Variants in SNX29 observed in about 807,000 individuals in gnomAD.
SNX29 encodes sorting nexin 29.
A neutral mutation model predicts 102.1 loss-of-function variants in SNX29; 78 were observed. The ratio of observed to expected loss-of-function variants is 0.76; its 90% CI spans 0.64 to 0.92. The LOEUF (loss-of-function observed/expected upper bound fraction) is 0.92. Among genes scored for constraint, SNX29 ranks in the 40% least tolerant of loss-of-function variants. The pLI, the probability that SNX29 is intolerant of heterozygous loss-of-function variation, is 0.00. For missense variants in SNX29, 1,280 were observed against 1,061.7 expected (o/e 1.21, Z -2.86); for synonymous variants, 580 against 414.5 (o/e 1.40, Z -4.85).
At chr16:12,262,433 T>A (rs1038507877) in intron 14 of SNX29, among the ~76,000 whole-genome samples, 5 of 152,162 alleles carry the variant, frequency 3.3e-5, no homozygotes, top group African/African-American at 1.2e-4. Context: ...CTTAAGCACA[T>A]GCACAAAGAG....
At chr16:12,345,798 C>T (rs1320714184) in intron 15 of SNX29, among the ~76,000 whole-genome samples, 1 of 152,190 alleles carries the variant, frequency 6.6e-6, no homozygotes, top group Non-Finnish European at 1.5e-5. Flanking sequence ...GAAATGTTTT[C>T]TGCCCTCTCC....
intron 20 of SNX29, among the ~76,000 whole-genome samples, chr16:12,536,583 C>G (rs988431865): frequency 3.9e-5 from 6 of 152,170 alleles, no homozygotes; most frequent in African/African-American, 1.4e-4. Context: ...GAGTTCACAC[C>G]TAGCACAGAG....
At chr16:12,564,000 C>T (rs947932790) in intron 20 of SNX29, among the ~76,000 whole-genome samples, 1 of 152,194 alleles carries the variant, frequency 6.6e-6, no homozygotes, top group African/African-American at 2.4e-5. Context: ...CCTGCAGCAC[C>T]CTCTTCCCCC....
chr16:12,554,263 G>A (rs904904536), intron 20 of SNX29, among the ~76,000 whole-genome samples: 3 of 152,206 alleles, frequency 2.0e-5, no homozygotes, highest in Non-Finnish European at 2.9e-5. Flanking sequence ...CTGCCTTTTG[G>A]TGCATCTGTG....
intron 14 of SNX29, among the ~76,000 whole-genome samples, chr16:12,227,508 T>C (rs1018077431): frequency 6.6e-6 from 1 of 152,200 alleles, no homozygotes; most frequent in Non-Finnish European, 1.5e-5. Flanking sequence ...CAACATTTGC[T>C]GAGTGTTCTT....
chr16:12,424,452 T>G (rs1429113283), intron 18 of SNX29, among the ~76,000 whole-genome samples: 2 of 152,228 alleles, frequency 1.3e-5, no homozygotes, highest in Admixed American at 1.3e-4. Context: ...GATAATATTC[T>G]GTCTTAGGGC....
At chr16:12,554,257 C>G (rs1237844041) in intron 20 of SNX29, among the ~76,000 whole-genome samples, 1 of 152,218 alleles carries the variant, frequency 6.6e-6, no homozygotes, top group Non-Finnish European at 1.5e-5. Context: ...TCGTCTCTGC[C>G]TTTTGGTGCA....
intron 14 of SNX29, among the ~76,000 whole-genome samples, chr16:12,245,483 AT>A (rs199731554): frequency 0.046 from 6,772 of 145,860 alleles, 267 homozygotes; most frequent in East Asian, 0.19. Context: ...AACTGCCTAG[AT>A]TTTTTTTTTT....
Position 12,545,214 on chromosome 16 carries a change from A to T in SNX29, c.2318+20373A>T, listed in dbSNP as rs1447731109. Among the ~76,000 whole-genome samples, 12 of 152,340 alleles carry T rather than the reference A, an allele frequency of 7.9e-5. No individual in the cohort carries two copies. In the South Asian group the frequency reaches 2.5e-3, roughly 32 times the overall value. The stretch of plus-strand genomic sequence containing the variant: ...AATACAAAAAAGGAAGGGGTGGGGC[A>T]GGCAATGACAGGGAAAGGGCCTCTG... On this transcript the variant is annotated intron_variant, in intron 20 of 20. Transcript: ENST00000566228.
At chr16:12,513,275 C>G (rs1211985918) in intron 19 of SNX29, among the ~76,000 whole-genome samples, 1 of 148,642 alleles carries the variant, frequency 6.7e-6, no homozygotes. Context: ...CTTCCTAGTG[C>G]TCCCTCCCCA....
intron 13 of SNX29, among the ~76,000 whole-genome samples, chr16:12,141,398 G>T (rs919087014): frequency 1.3e-5 from 2 of 152,212 alleles, no homozygotes; most frequent in Admixed American, 6.5e-5. Flanking sequence ...CCAAGAGAGG[G>T]TTGTTGGATC....
At chr16:12,169,402 T>C (rs1164747290) in intron 13 of SNX29, among the ~76,000 whole-genome samples, 1 of 152,130 alleles carries the variant, frequency 6.6e-6, no homozygotes, top group Admixed American at 6.5e-5. Flanking sequence ...TTTTCAGAAA[T>C]GACCCCAGGA....
intron 18 of SNX29, chr16:12,443,131 A>T (rs11646776): frequency 0.36 from 155,201 of 428,828 alleles, 29,838 homozygotes; most frequent in South Asian, 0.48. Flanking sequence ...ATCTGCCTAA[A>T]TCCTGCCGGG....
At chr16:12,062,051 A>C (rs2050798018) in intron 9 of SNX29, among the ~76,000 whole-genome samples, 1 of 152,142 alleles carries the variant, frequency 6.6e-6, no homozygotes, top group Non-Finnish European at 1.5e-5. Context: ...CCTGTGCAGA[A>C]AAGTGCTTGG....
intron 14 of SNX29, among the ~76,000 whole-genome samples, chr16:12,261,761 C>T (rs377426914): frequency 3.6e-5 from 4 of 111,912 alleles, no homozygotes; most frequent in Admixed American, 9.8e-5. Context: ...TCTGTGCGTG[C>T]GTCCCCGGCT....
intron 18 of SNX29, among the ~76,000 whole-genome samples, chr16:12,462,529 AG>A (rs2086852224): frequency 6.6e-6 from 1 of 152,244 alleles, no homozygotes; most frequent in African/African-American, 2.4e-5. Flanking sequence ...ATCACCATTC[AG>A]AAATAGCAGC....
At chr16:12,075,002 G>A (rs1033754691) in intron 10 of SNX29, among the ~76,000 whole-genome samples, 1 of 152,100 alleles carries the variant, frequency 6.6e-6, no homozygotes, top group African/African-American at 2.4e-5. Flanking sequence ...TCGAGCCTTG[G>A]CTTTCAGCTC....
intron 18 of SNX29, among the ~76,000 whole-genome samples, chr16:12,433,715 T>G (rs12924190): frequency 0.41 from 62,225 of 150,822 alleles, 13,151 homozygotes; most frequent in Non-Finnish European, 0.46. Context: ...TCCCAGGTAC[T>G]TCGGAGGCTG....
intron 12 of SNX29, among the ~76,000 whole-genome samples, chr16:12,128,571 G>GC (rs1353764839): frequency 6.7e-6 from 1 of 150,194 alleles, no homozygotes; most frequent in East Asian, 2.0e-4. Flanking sequence ...TCCTGCCTCA[G>GC]CCCCCCGAAT....
Sources: allele counts gnomAD v4.1 joint callset (sites outside exome capture counted in the v4.1 genomes callset), GRCh38; gene constraint gnomAD v4.1.1; transcripts MANE v1.5; gene names NCBI Gene and HGNC (gene_info 2026-07-23, HGNC 2026-07-21).